TFDP1: variants seen among roughly 807,000 people sequenced by gnomAD.
TFDP1 encodes the protein DRTF1-polypeptide 1.
TFDP1 carries 6 observed loss-of-function variants against 48.0 expected under a neutral mutation model. The observed-to-expected ratio is 0.13, with a 90% confidence interval of 0.07 to 0.25. TFDP1 has a LOEUF of 0.25. Among genes scored for constraint, TFDP1 ranks in the 10% least tolerant of loss-of-function variants. TFDP1 has a pLI of 1.00. For missense variants in TFDP1, 335 were observed against 543.0 expected, an observed-to-expected ratio of 0.62 and a Z score of 3.81; for synonymous variants, 201 against 211.6, an observed-to-expected ratio of 0.95 and a Z score of 0.44.
At chr13:113,621,983 A>G (rs189357977) in intron 3 of TFDP1, among the ~76,000 whole-genome samples, 1 of 152,318 alleles carries the variant, frequency 6.6e-6, no homozygotes, top group Non-Finnish European at 1.5e-5. Flanking sequence ...AAATTAGTGA[A>G]AGTACTAAAA....
intron 3 of TFDP1, among the ~76,000 whole-genome samples, chr13:113,614,878 T>G (rs538948030): frequency 7.0e-4 from 106 of 152,296 alleles, no homozygotes; most frequent in Non-Finnish European, 1.2e-3. Flanking sequence ...GGTGTTGCTC[T>G]GAAAGCCTTC....
Position 113,603,351 on chromosome 13 carries a change from G to A in TFDP1, c.13-7645G>A, listed in dbSNP as rs4150713. Among the ~76,000 whole-genome samples the A allele has an allele frequency of 7.1e-3, 1,087 of 152,354 alleles. 14 individuals carry two copies. Among genetic ancestry groups the A allele is most frequent in the African/African-American group, 0.024 (998 of 41,590 alleles). On this transcript the variant is annotated intron_variant, in intron 2 of 11. Coordinates refer to ENST00000375370, the MANE Select transcript of TFDP1 (RefSeq NM_007111.5). ...ACCCTGGCGGGTGCTGGCTGGCAAAGAGGGAGGCGTTGAGGGCCCGGGCAG... is the reference window on the plus strand; with the variant it reads ...ACCCTGGCGGGTGCTGGCTGGCAAAAAGGGAGGCGTTGAGGGCCCGGGCAG...
At chr13:113,606,713 G>A (rs1010206585) in intron 2 of TFDP1, among the ~76,000 whole-genome samples, 6 of 152,200 alleles carry the variant, frequency 3.9e-5, no homozygotes, top group Admixed American at 2.6e-4. Context: ...GTAAACAGAG[G>A]CAGTCTAGGT....
chr13:113,589,257 G>A (rs2048081472), intron 2 of TFDP1, among the ~76,000 whole-genome samples: 1 of 152,186 alleles, frequency 6.6e-6, no homozygotes, highest in Non-Finnish European at 1.5e-5. Flanking sequence ...ACTCTGTTAA[G>A]TGGGAGAATG....
At chr13:113,585,612 TC>T (rs1057369945) in intron 1 of TFDP1, 161 bp from the exon 2 acceptor site, 8 of 449,858 alleles carry the variant, frequency 1.8e-5, no homozygotes, top group Non-Finnish European at 3.2e-5. Context: ...CGACTGAAAA[TC>T]CTGAGTGTGG....
chr13:113,598,747 C>T lies in TFDP1; in HGVS notation c.13-12249C>T, dbSNP rs1302867041. ...CGGGAGGAGGCGTTCTCTGCCCCTA[C>T]GTGGCTCACACTGTGGTTCTGTGGC... On this transcript the variant is annotated intron_variant, in intron 2 of 11. Coordinates refer to ENST00000375370, the MANE Select transcript of TFDP1 (RefSeq NM_007111.5). The surrounding 1 kb of genome is among the most constrained non-coding windows in gnomAD (Gnocchi z 4.2). 3.3e-5 allele frequency among the ~76,000 whole-genome samples: 5 copies of T among 152,326 alleles called. No individual in the cohort carries two copies. The highest frequency in any genetic ancestry group is 2.1e-4 in the South Asian group (1 of 4,826).
At chr13:113,632,292 A>G (rs2049358044) in intron 5 of TFDP1, among the ~76,000 whole-genome samples, 1 of 152,258 alleles carries the variant, frequency 6.6e-6, no homozygotes, top group Non-Finnish European at 1.5e-5. Flanking sequence ...TAGGAACCTC[A>G]GGTGGCCTTT....
intron 2 of TFDP1, among the ~76,000 whole-genome samples, chr13:113,588,083 CA>C (rs1165516935): frequency 6.6e-6 from 1 of 152,150 alleles, no homozygotes; most frequent in Admixed American, 6.5e-5. Context: ...CTCCTGACCT[CA>C]GGGGATCCAC....
chr13:113,589,371 G>C (rs1023753703), intron 2 of TFDP1, among the ~76,000 whole-genome samples: 1 of 152,170 alleles, frequency 6.6e-6, no homozygotes, highest in African/African-American at 2.4e-5. Flanking sequence ...ATCACTTACA[G>C]AAATTTATGA....
chr13:113,595,512 C>T (rs2048265086), intron 2 of TFDP1, among the ~76,000 whole-genome samples: 1 of 152,038 alleles, frequency 6.6e-6, no homozygotes, highest in Admixed American at 6.6e-5. Flanking sequence ...ACAGGAAAGG[C>T]GGTGGAGTTA....
In TFDP1 at chr13:113,598,748, G is replaced by A. The variant is rs1403344370; in HGVS notation, c.13-12248G>A. On this transcript the variant is annotated intron_variant, in intron 2 of 11. Coordinates refer to ENST00000375370, the MANE Select transcript of TFDP1 (RefSeq NM_007111.5). This position sits in a 1 kb window ranked among gnomAD's most constrained non-coding sequence, Gnocchi z 4.2. ...GGGAGGAGGCGTTCTCTGCCCCTAC[G>A]TGGCTCACACTGTGGTTCTGTGGCC... Among the ~76,000 whole-genome samples, 3 of 152,104 alleles carry A rather than the reference G, an allele frequency of 2.0e-5. No individual in the cohort carries two copies. Among genetic ancestry groups the A allele is most frequent in the Non-Finnish European group, 4.4e-5 (3 of 68,024 alleles).
At chr13:113,631,504 G>T in intron 4 of TFDP1, 119 bp from the exon 5 acceptor site, 3 of 1,337,752 alleles carry the variant, frequency 2.2e-6, no homozygotes, top group Non-Finnish European at 2.0e-6. Flanking sequence ...CTCCGTCATG[G>T]CTGCTCACTG....
chr13:113,625,231 A>G (rs1363203740), intron 4 of TFDP1, among the ~76,000 whole-genome samples: 5 of 99,220 alleles, frequency 5.0e-5, no homozygotes, highest in South Asian at 3.7e-4. Context: ...TGTCTCTCAC[A>G]TGTCCCCAGG....
At chr13:113,619,126 G>A (rs2048932303) in intron 3 of TFDP1, among the ~76,000 whole-genome samples, 1 of 152,190 alleles carries the variant, frequency 6.6e-6, no homozygotes, top group South Asian at 2.1e-4. Flanking sequence ...AAGTGTACTG[G>A]AATAAAATTG....
chr13:113,602,271 C>T (rs1051869831), intron 2 of TFDP1, among the ~76,000 whole-genome samples: 2 of 151,584 alleles, frequency 1.3e-5, no homozygotes, highest in Admixed American at 1.3e-4. Flanking sequence ...GAGTTACCTG[C>T]AGGAGTCGAG....
intron 5 of TFDP1, 35 bp downstream of exon 5, chr13:113,631,779 G>A (rs2049343202): frequency 1.2e-6 from 2 of 1,608,934 alleles, no homozygotes; most frequent in African/African-American, 2.7e-5. Context: ...AGAGTTGTAG[G>A]ACTGCTTGCG....
At chr13:113,614,228 G>A (rs553805358) in intron 3 of TFDP1, among the ~76,000 whole-genome samples, 21 of 151,756 alleles carry the variant, frequency 1.4e-4, no homozygotes, top group Middle Eastern at 6.8e-3. Flanking sequence ...ATGTGTGTGC[G>A]TGTGTGAGTT....
At chr13:113,599,007 A>AAT (rs2048348444) in intron 2 of TFDP1, among the ~76,000 whole-genome samples, 1 of 152,218 alleles carries the variant, frequency 6.6e-6, no homozygotes, top group Admixed American at 6.5e-5. Context: ...CAGTCATCTG[A>AAT]AATGACAGTC....
intron 3 of TFDP1, among the ~76,000 whole-genome samples, chr13:113,615,479 G>A (rs764419518): frequency 6.6e-5 from 10 of 152,144 alleles, no homozygotes; most frequent in Admixed American, 1.3e-4. Flanking sequence ...CCTGTGCCTC[G>A]TCCTCAGGGA....
Sources: allele counts gnomAD v4.1 joint callset (sites outside exome capture counted in the v4.1 genomes callset), GRCh38; gene constraint gnomAD v4.1.1; non-coding constraint Gnocchi (gnomAD v3.1); transcripts MANE v1.5; gene names NCBI Gene and HGNC (gene_info 2026-07-23, HGNC 2026-07-21).